The following SEC22A variants were observed in gnomAD, a reference collection of about 807,000 sequenced individuals.
SEC22A encodes the protein SEC22 homolog A, vesicle trafficking protein, also known as vesicle-trafficking protein SEC22a.
In SEC22A, 22 loss-of-function variants were observed where a neutral mutation model predicts 35.3. The ratio of observed to expected loss-of-function variants is 0.62; its 90% CI spans 0.45 to 0.89. SEC22A has a LOEUF of 0.89. SEC22A is among the 40% of genes least tolerant of loss of function. The pLI is 0.00. For missense variants in SEC22A, 354 were observed against 362.5 expected, an observed-to-expected ratio of 0.98 and a Z score of 0.19; for synonymous variants, 119 against 129.5, an observed-to-expected ratio of 0.92 and a Z score of 0.55.
intron 6 of SEC22A, among the ~76,000 whole-genome samples, chr3:123,268,607 A>AT (rs1286187278): frequency 1.3e-5 from 2 of 152,132 alleles, no homozygotes; most frequent in Non-Finnish European, 2.9e-5. Flanking sequence ...ACATCATGAT[A>AT]TTTTTTACCT....
At chr3:123,269,559 A>G (rs998145661) in intron 6 of SEC22A, among the ~76,000 whole-genome samples, 2 of 150,522 alleles carry the variant, frequency 1.3e-5, no homozygotes, top group African/African-American at 4.9e-5. Flanking sequence ...CATCAGACAC[A>G]CCCAAGTTGA....
At chr3:123,214,643 T>C (rs1368575668) in intron 2 of SEC22A, among the ~76,000 whole-genome samples, 1 of 152,242 alleles carries the variant, frequency 6.6e-6, no homozygotes, top group Admixed American at 6.5e-5. Flanking sequence ...GAAAAAAACA[T>C]GGCTAAAGTA....
Position 123,223,609 on chromosome 3 carries a change from A to C in SEC22A, c.233A>C (p.Tyr78Ser), listed in dbSNP as rs762754213. The stretch of plus-strand genomic sequence containing the variant: ...TACATGATGTTGTGCACTGAAAATT[A>C]CCCAAATGTTCTCGCCTTCTCTTTC... ...VSYMMLCTEN[Y>S]PNVLAFSFLD... The change falls in exon 3 of 7, where the codon TAC (tyrosine) becomes TCC (serine). Residue 78 changes from tyrosine to serine, a missense_variant. Tyr to Ser is a moderately radical substitution (Grantham distance 144). Transcript: ENST00000492595. The C allele has an allele frequency of 1.1e-5, 18 of 1,613,754 alleles. No homozygotes were observed. The Middle Eastern group carries it at 1.7e-3, about 148-fold the overall frequency.
chr3:123,212,984 G>T (rs770955501), intron 2 of SEC22A, among the ~76,000 whole-genome samples: 1 of 152,256 alleles, frequency 6.6e-6, no homozygotes, highest in Non-Finnish European at 1.5e-5. Flanking sequence ...ACAGCATTTG[G>T]ATAACATTCT....
intron 4 of SEC22A, among the ~76,000 whole-genome samples, chr3:123,232,317 C>G (rs895183161): frequency 2.6e-5 from 4 of 152,122 alleles, no homozygotes; most frequent in Non-Finnish European, 5.9e-5. Flanking sequence ...ATACTATAAA[C>G]AACTGTCTCC....
At chr3:123,203,755 A>G (rs904340853) in intron 1 of SEC22A, among the ~76,000 whole-genome samples, 2 of 152,224 alleles carry the variant, frequency 1.3e-5, no homozygotes, top group African/African-American at 4.8e-5. Context: ...TAGCAGTGTG[A>G]CATTGAGAAA....
intron 4 of SEC22A, among the ~76,000 whole-genome samples, chr3:123,240,848 T>A (rs1937513765): frequency 6.6e-6 from 1 of 152,190 alleles, no homozygotes; most frequent in Admixed American, 6.5e-5. Flanking sequence ...AATTTAGGGT[T>A]TAAACTGATA....
chr3:123,255,813 C>T (rs746022974), intron 5 of SEC22A, among the ~76,000 whole-genome samples: 30 of 152,176 alleles, frequency 2.0e-4, no homozygotes, highest in Admixed American at 6.5e-4. Flanking sequence ...CCTTTTGCTG[C>T]ACCACATAAC....
intron 6 of SEC22A, among the ~76,000 whole-genome samples, chr3:123,262,680 G>A (rs1390840896): frequency 2.6e-5 from 4 of 152,178 alleles, no homozygotes; most frequent in Non-Finnish European, 5.9e-5. Context: ...AGGTAGGCTA[G>A]GCTAAGCTAT....
intron 4 of SEC22A, among the ~76,000 whole-genome samples, chr3:123,236,314 A>G (rs967367093): frequency 2.0e-5 from 3 of 152,206 alleles, no homozygotes; most frequent in African/African-American, 7.2e-5. Context: ...GAGTACATGT[A>G]GAAAAGCTGA....
intron 4 of SEC22A, among the ~76,000 whole-genome samples, chr3:123,241,802 C>T (rs1346542298): frequency 6.6e-6 from 1 of 152,040 alleles, no homozygotes; most frequent in Non-Finnish European, 1.5e-5. Flanking sequence ...GAGTACTGTT[C>T]ATCCATGAAA....
At chr3:123,239,217 A>T (rs1280067810) in intron 4 of SEC22A, among the ~76,000 whole-genome samples, 1 of 152,236 alleles carries the variant, frequency 6.6e-6, no homozygotes, top group Non-Finnish European at 1.5e-5. Context: ...AAGGGAGCAC[A>T]CAAGGATGTA....
chr3:123,217,416 T>A (rs1429201309), intron 2 of SEC22A, among the ~76,000 whole-genome samples: 1 of 151,928 alleles, frequency 6.6e-6, no homozygotes, highest in African/African-American at 2.4e-5. Context: ...GGTTTCACCG[T>A]GTTAGCCAGG....
At position 123,211,415 on chromosome 3, in the gene SEC22A, C is replaced by A. The variant is rs191458545; in HGVS notation, c.182+2016C>A. ...CCAGAAATGAGATCTTTGGAACAGA[C>A]TGTTTATGAGGTGTGAGGCAGAAGA... is the stretch of plus-strand genomic sequence containing the variant. On this transcript the variant is annotated intron_variant, in intron 2 of 6. Coordinates refer to ENST00000492595, the MANE Select transcript of SEC22A (RefSeq NM_012430.5). 1.1e-4 allele frequency among the ~76,000 whole-genome samples: 17 copies of A among 152,160 alleles called. No homozygotes were observed. The East Asian group carries it at 3.1e-3, about 28-fold the overall frequency.
rs1011274251 is a variant in SEC22A at position 123,272,893 on chromosome 3, A to T, written c.*1171A>T. On this transcript the variant is annotated 3_prime_UTR_variant, in exon 7 of 7. Transcript: ENST00000492595. ...GGCTTTCCTAGCAACTCATTATTTT[A>T]TGGCTTTGAGGAATTAAGCCCCTAG... is the stretch of plus-strand genomic sequence containing the variant. 3.3e-5 allele frequency: 5 copies of T among 153,780 alleles called. 1 individual carries two copies. The highest frequency in any genetic ancestry group is 5.9e-5 in the Non-Finnish European group (4 of 68,036). 9.5% of individuals were successfully genotyped at this position (153,780 alleles called of 1,614,324 possible). A position where few individuals can be genotyped will look rare whatever the true frequency, so the allele number is the denominator to read the frequency against.
chr3:123,231,359 T>C (rs1450152891), intron 4 of SEC22A, among the ~76,000 whole-genome samples: 1 of 152,246 alleles, frequency 6.6e-6, no homozygotes, highest in Non-Finnish European at 1.5e-5. Context: ...ACAGAATTTA[T>C]GTTCTTCTCA....
At chr3:123,224,561 C>T (rs966335071) in intron 3 of SEC22A, among the ~76,000 whole-genome samples, 3 of 151,942 alleles carry the variant, frequency 2.0e-5, no homozygotes, top group African/African-American at 7.3e-5. Flanking sequence ...TTTGGGAGGC[C>T]GAGGCAGTAG....
rs75177696 is a variant in SEC22A, at chr3:123,240,136, A to G, written c.542-5763A>G. ...GGTGGACTCAGACAAGTTGTTTGCC[A>G]TCACTAGGAATTAGCTATCCCTGGG... is the stretch of plus-strand genomic sequence containing the variant. On this transcript the variant is annotated intron_variant, in intron 4 of 6. Transcript: ENST00000492595. Among the ~76,000 whole-genome samples, 1,348 of 152,292 alleles carry G rather than the reference A, an allele frequency of 8.9e-3. 10 individuals carry two copies. The highest frequency in any genetic ancestry group is 0.03 in the African/African-American group (1,264 of 41,552).
At chr3:123,230,822 G>A (rs558108977) in intron 4 of SEC22A, among the ~76,000 whole-genome samples, 2 of 151,660 alleles carry the variant, frequency 1.3e-5, no homozygotes, top group Non-Finnish European at 1.5e-5. Flanking sequence ...ATATATGAAT[G>A]GATTTAAAAA....
Sources: gnomAD v4.1 joint callset for allele counts (sites outside exome capture counted in the v4.1 genomes callset) on GRCh38, gnomAD v4.1.1 for gene constraint, MANE v1.5 for transcripts, NCBI Gene and HGNC (gene_info 2026-07-23, HGNC 2026-07-21) for gene names.